The following NELL1 variants were observed in gnomAD, a reference collection of about 807,000 sequenced individuals.
NELL1 encodes the protein neural EGFL like 1, also known as protein kinase C-binding protein NELL1.
In NELL1, 76 loss-of-function variants were observed where a neutral mutation model predicts 107.4. That is an observed-to-expected ratio of 0.71 (90% CI 0.59 to 0.86). NELL1 has a LOEUF of 0.86. Among genes scored for constraint, NELL1 ranks in the 40% least tolerant of loss-of-function variants. The probability of loss-of-function intolerance (pLI) is 0.00; values close to 1 mark genes in which losing one functional copy is unlikely to be tolerated. For missense variants in NELL1, 1,024 were observed against 1,005.5 expected (o/e 1.02, Z -0.25); for synonymous variants, 353 against 341.2 (o/e 1.03, Z -0.38).
intron 14 of NELL1, among the ~76,000 whole-genome samples, chr11:21,241,194 A>G (rs1454002): frequency 0.27 from 41,421 of 151,968 alleles, 6,359 homozygotes; most frequent in East Asian, 0.65. Context: ...AGGAAACATT[A>G]CTGAAATATT....
intron 2 of NELL1, among the ~76,000 whole-genome samples, chr11:20,757,839 A>G (rs1051802823): frequency 1.3e-5 from 2 of 152,184 alleles, no homozygotes; most frequent in Non-Finnish European, 2.9e-5. Flanking sequence ...TCCTCTTAAC[A>G]TGCTGTCTTA....
intron 12 of NELL1, among the ~76,000 whole-genome samples, chr11:20,978,530 G>A (rs1464063333): frequency 6.6e-6 from 1 of 152,120 alleles, no homozygotes; most frequent in South Asian, 2.1e-4. Flanking sequence ...GGTCCTGAGG[G>A]AACATAATTT....
At chr11:20,800,528 T>G (rs1158818897) in intron 3 of NELL1, among the ~76,000 whole-genome samples, 6 of 152,224 alleles carry the variant, frequency 3.9e-5, no homozygotes, top group Admixed American at 3.3e-4. Flanking sequence ...CTTTTGTCCA[T>G]TTTTAAATTG....
At chr11:21,419,826 T>C (rs73457396) in intron 15 of NELL1, among the ~76,000 whole-genome samples, 4,608 of 152,278 alleles carry the variant, frequency 0.03, 248 homozygotes, top group African/African-American at 0.1. Flanking sequence ...AATTTGTCTT[T>C]CATGAAGTAC....
chr11:20,956,675 A>T (rs1351641437), intron 11 of NELL1, among the ~76,000 whole-genome samples: 1 of 151,790 alleles, frequency 6.6e-6, no homozygotes, highest in Non-Finnish European at 1.5e-5. Context: ...TACTAATCTC[A>T]TCCGTTCGCC....
Position 21,565,357 on chromosome 11 carries a change from G to C in NELL1, c.1980+4975G>C, listed in dbSNP as rs114427655. ...AAAACCCTGTTTTGACCTTGCAGGA[G>C]CTTGAACGTTACACCATGCTACCTC... is the stretch of plus-strand genomic sequence containing the variant. On this transcript the variant is annotated intron_variant, in intron 17 of 19. Coordinates refer to ENST00000357134, the MANE Select transcript of NELL1 (RefSeq NM_006157.5). Among the ~76,000 whole-genome samples, 630 of 151,956 alleles carry C rather than the reference G, an allele frequency of 4.1e-3. 3 individuals carry two copies. The highest frequency in any genetic ancestry group is 0.013 in the African/African-American group (558 of 41,500).
intron 2 of NELL1, among the ~76,000 whole-genome samples, chr11:20,762,410 A>G (rs553163159): frequency 2.6e-5 from 4 of 152,366 alleles, no homozygotes; most frequent in East Asian, 3.9e-4. Context: ...CAAACTTGTC[A>G]TATTTTATTC....
chr11:21,241,233 G>T (rs1858350499), intron 14 of NELL1, among the ~76,000 whole-genome samples: 1 of 152,056 alleles, frequency 6.6e-6, no homozygotes, highest in Non-Finnish European at 1.5e-5. Flanking sequence ...CTATCTACTG[G>T]ATTATGATCT....
At chr11:20,755,546 T>TTTATTTTTTTTTTTTTA (rs1564894982) in intron 2 of NELL1, among the ~76,000 whole-genome samples, 1 of 45,532 alleles carries the variant, frequency 2.2e-5, no homozygotes, top group Non-Finnish European at 5.3e-5. Context: ...TTTTGTTTTT[T>TTTATTTTTTTTTTTTTA]TTTGTTTTTG....
Position 21,370,910 on chromosome 11 carries a change from T to C in NELL1, c.1607T>C (p.Val536Ala). ...GGTCVAPNKC[V>A]CPSGFTGSHC... ...ACGTGTGTGGCTCCCAACAAATGTG[T>C]CTGTCCATCTGGATTCACAGGAAGC... The change falls in exon 15 of 20, where the codon GTC (valine) becomes GCC (alanine). Residue 536 changes from valine (V) to alanine (A), a missense_variant. Transcript: ENST00000357134. 6.2e-7 allele frequency: 1 copy of C among 1,611,682 alleles called. No individual in the cohort carries two copies. Among genetic ancestry groups the C allele is most frequent in the Non-Finnish European group, 8.5e-7 (1 of 1,178,788 alleles).
At chr11:20,670,104 G>A (rs1056770081) in intron 1 of NELL1, among the ~76,000 whole-genome samples, 12 of 152,266 alleles carry the variant, frequency 7.9e-5, no homozygotes, top group Middle Eastern at 3.4e-3. Flanking sequence ...AGCAGGGCGG[G>A]CCCGCGTGCC....
chr11:21,102,146 C>A (rs1382756290), intron 12 of NELL1, among the ~76,000 whole-genome samples: 1 of 152,230 alleles, frequency 6.6e-6, no homozygotes. Context: ...AGCCACCACA[C>A]CCGGCCAAAG....
chr11:21,051,927 A>C (rs1853503065), intron 12 of NELL1, among the ~76,000 whole-genome samples: 1 of 152,146 alleles, frequency 6.6e-6, no homozygotes, highest in African/African-American at 2.4e-5. Flanking sequence ...CATAATAGAT[A>C]AGTACATTGT....
intron 12 of NELL1, among the ~76,000 whole-genome samples, chr11:21,001,897 A>G (rs1277160936): frequency 6.6e-6 from 1 of 152,060 alleles, no homozygotes; most frequent in African/African-American, 2.4e-5. Flanking sequence ...GAGCTGATGG[A>G]AACAGCCGTA....
chr11:21,037,539 G>A (rs1274140110), intron 12 of NELL1, among the ~76,000 whole-genome samples: 1 of 152,108 alleles, frequency 6.6e-6, no homozygotes, highest in African/African-American at 2.4e-5. Flanking sequence ...CCCGATGTAT[G>A]CCTAGTTTTT....
intron 1 of NELL1, among the ~76,000 whole-genome samples, chr11:20,670,853 T>C (rs892669955): frequency 3.9e-5 from 6 of 152,210 alleles, no homozygotes; most frequent in Non-Finnish European, 7.3e-5. Context: ...CATCCTTATT[T>C]CCTTCTTTAG....
chr11:21,015,682 G>T (rs1852548360), intron 12 of NELL1, among the ~76,000 whole-genome samples: 1 of 151,672 alleles, frequency 6.6e-6, no homozygotes, highest in Non-Finnish European at 1.5e-5. Flanking sequence ...CCCTCCTCTA[G>T]TTCTTTCTCC....
intron 12 of NELL1, among the ~76,000 whole-genome samples, chr11:20,984,554 T>C (rs2134248380): frequency 6.6e-6 from 1 of 152,284 alleles, no homozygotes; most frequent in Non-Finnish European, 1.5e-5. Flanking sequence ...AATCCCCACT[T>C]AGAATAGAAT....
At chr11:20,862,876 C>G (rs994566279) in intron 4 of NELL1, among the ~76,000 whole-genome samples, 1 of 152,084 alleles carries the variant, frequency 6.6e-6, no homozygotes, top group African/African-American at 2.4e-5. Flanking sequence ...ATCCATTTAA[C>G]CCTGGGTGGA....
Sources: gnomAD v4.1 joint callset for allele counts (sites outside exome capture counted in the v4.1 genomes callset) on GRCh38, gnomAD v4.1.1 for gene constraint, MANE v1.5 for transcripts, NCBI Gene and HGNC (gene_info 2026-07-23, HGNC 2026-07-21) for gene names.